SV2C: variants seen among roughly 807,000 people sequenced by gnomAD.
The protein encoded by SV2C is synaptic vesicle glycoprotein 2C, also known as solute carrier family 22 member B3.
A neutral mutation model predicts 79.7 loss-of-function variants in SV2C; 49 were observed. That is an observed-to-expected ratio of 0.61 (90% CI 0.49 to 0.78). The LOEUF is 0.78. SV2C is among the 30% of genes least tolerant of loss of function. The probability of loss-of-function intolerance (pLI) is 0.00; values close to 1 mark genes in which losing one functional copy is unlikely to be tolerated. For synonymous variants in SV2C, 334 were observed against 333.2 expected (o/e 1.00, Z -0.03); for missense variants, 833 against 912.9 (o/e 0.91, Z 1.13).
At chr5:76,120,374 A>G (rs944423735) in intron 1 of SV2C, among the ~76,000 whole-genome samples, 2 of 134,894 alleles carry the variant, frequency 1.5e-5, no homozygotes, top group Non-Finnish European at 3.2e-5. Context: ...TTTTTTTATT[A>G]TTATTATTAT....
chr5:75,967,952 A>G, the SV2C span, among the ~76,000 whole-genome samples: 13 of 152,126 alleles, frequency 8.5e-5, no homozygotes, highest in African/African-American at 1.2e-4. Context: ...TCACACGGCC[A>G]GGTACTCCTC....
Position 76,194,982 on chromosome 5 carries a change from TG to T in SV2C, c.647del (p.Gly216GlufsTer7). On this transcript the variant is annotated frameshift_variant, in exon 3 of 13. Transcript: ENST00000502798. LOFTEE classifies it high-confidence loss of function. The stretch of plus-strand genomic sequence containing the variant: ...TTCTGGGGAGGACTGGCAGACAAAG[TG>T]GGAAGGAAACAGTCTCTTCTGATTT... ...AFFWGGLADK[V>X]GRKQSLLICM... The T allele has an allele frequency of 5.0e-6, 8 of 1,614,060 alleles. No homozygotes were observed. Among genetic ancestry groups the T allele is most frequent in the Non-Finnish European group, 5.9e-6 (7 of 1,179,958 alleles).
rs1052629747 is a variant in SV2C at position 76,123,180 on chromosome 5, G to A, written c.-101-8470G>A. On this transcript the variant is annotated intron_variant, in intron 1 of 12. Transcript: ENST00000502798. ...CACTCTCCCAAGACTAAACCAGGAA[G>A]AAGTTGAATCTCTGAATAGACCAAT... is the stretch of plus-strand genomic sequence containing the variant. Among the ~76,000 whole-genome samples, 9 of 152,292 alleles carry A rather than the reference G, an allele frequency of 5.9e-5. No individual in the cohort carries two copies. The Middle Eastern group carries it at 0.01, about 173-fold the overall frequency.
At chr5:75,911,005 A>C in the SV2C span, 3 of 1,018,106 alleles carry the variant, frequency 2.9e-6, no homozygotes, top group Non-Finnish European at 4.6e-6. Context: ...CTCTTACCTC[A>C]CCTACTAGTC....
chr5:76,005,041 G>C, the SV2C span, among the ~76,000 whole-genome samples: 1 of 152,120 alleles, frequency 6.6e-6, no homozygotes, highest in African/African-American at 2.4e-5. Flanking sequence ...TAGATTTATA[G>C]GTTTGTCCAG....
chr5:76,050,052 T>C, the SV2C span, among the ~76,000 whole-genome samples: 1 of 152,170 alleles, frequency 6.6e-6, no homozygotes, highest in East Asian at 1.9e-4. Flanking sequence ...ATTTGCAAAA[T>C]GTGGCCAATA....
intron 12 of SV2C, chr5:76,353,065 C>G: frequency 2.2e-6 from 1 of 451,962 alleles, no homozygotes; most frequent in South Asian, 1.6e-5. Flanking sequence ...CTCTGCCACC[C>G]CAGAAGCTAG....
the SV2C span, among the ~76,000 whole-genome samples, chr5:76,018,770 G>A: frequency 2.6e-5 from 4 of 152,248 alleles, no homozygotes; most frequent in Non-Finnish European, 4.4e-5. Flanking sequence ...AGAACTCCAC[G>A]TATTTGTTCA....
the SV2C span, among the ~76,000 whole-genome samples, chr5:75,991,307 A>T: frequency 6.6e-6 from 1 of 151,574 alleles, no homozygotes; most frequent in Non-Finnish European, 1.5e-5. Flanking sequence ...TTGAGTTATT[A>T]TCCCTTTTTA....
the SV2C span, among the ~76,000 whole-genome samples, chr5:76,023,085 G>C: frequency 6.6e-6 from 1 of 152,302 alleles, no homozygotes; most frequent in African/African-American, 2.4e-5. Flanking sequence ...TTTAAAGGCT[G>C]ATTCACAGTG....
At chr5:76,009,258 A>C in the SV2C span, among the ~76,000 whole-genome samples, 1 of 152,246 alleles carries the variant, frequency 6.6e-6, no homozygotes, top group African/African-American at 2.4e-5. Flanking sequence ...AAGTCTAAAA[A>C]CAACAGATGT....
chr5:75,877,481 C>T, the SV2C span, among the ~76,000 whole-genome samples: 5 of 151,994 alleles, frequency 3.3e-5, no homozygotes, highest in East Asian at 9.7e-4. Context: ...AATGCACACA[C>T]ATCATTCTCC....
chr5:75,879,187 A>G, the SV2C span, among the ~76,000 whole-genome samples: 1 of 152,174 alleles, frequency 6.6e-6, no homozygotes, highest in Non-Finnish European at 1.5e-5. Flanking sequence ...TGGAGTGGAC[A>G]AATATTCAAA....
chr5:76,352,754 T>C (rs1266980120), intron 12 of SV2C, among the ~76,000 whole-genome samples: 1 of 152,206 alleles, frequency 6.6e-6, no homozygotes, highest in African/African-American at 2.4e-5. Context: ...TTTTGGTCTT[T>C]TTAATATGCA....
chr5:76,205,297 C>G (rs762848315), intron 3 of SV2C, among the ~76,000 whole-genome samples: 5 of 152,068 alleles, frequency 3.3e-5, no homozygotes, highest in Non-Finnish European at 5.9e-5. Context: ...AAACCTAGCA[C>G]TAATATTTCT....
Position 76,209,788 on chromosome 5 carries a change from C to G in SV2C, c.814C>G (p.Arg272Gly), listed in dbSNP as rs751358005. Residue 272 changes from arginine to glycine, a missense_variant, in exon 4 of 13, where the codon CGG becomes GGG. Physicochemically the swap from Arg to Gly is moderately radical, Grantham distance 125 (BLOSUM62 -2). Coordinates refer to ENST00000502798, the MANE Select transcript of SV2C (RefSeq NM_014979.4). ...CTCGTACTTTGCTGAAGTCCTGGCC[C>G]GGGAAAAGCGGGGCGAACACTTGAG... ...VFSYFAEVLAREKRGEHLSWL... is the reference protein window; with the variant it reads ...VFSYFAEVLAGEKRGEHLSWL... 6.2e-7 allele frequency: 1 copy of G among 1,614,188 alleles called. No homozygotes were observed. Among genetic ancestry groups the G allele is most frequent in the Admixed American group, 1.7e-5 (1 of 60,030 alleles).
At chr5:75,990,880 A>G in the SV2C span, among the ~76,000 whole-genome samples, 1 of 152,006 alleles carries the variant, frequency 6.6e-6, no homozygotes, top group Non-Finnish European at 1.5e-5. Flanking sequence ...AGAGACTACA[A>G]TGCATTGGCT....
At chr5:76,097,576 A>T (rs924872107) in intron 1 of SV2C, among the ~76,000 whole-genome samples, 2 of 152,150 alleles carry the variant, frequency 1.3e-5, no homozygotes, top group African/African-American at 4.8e-5. Flanking sequence ...ATTTGTTATT[A>T]TTTCTTCTAT....
At chr5:75,876,386 A>G in the SV2C span, among the ~76,000 whole-genome samples, 1 of 152,030 alleles carries the variant, frequency 6.6e-6, no homozygotes, top group Non-Finnish European at 1.5e-5. Flanking sequence ...TATGAACACA[A>G]AGAAGGAAAC....
Sources: gnomAD v4.1 joint callset for allele counts (sites outside exome capture counted in the v4.1 genomes callset) on GRCh38, gnomAD v4.1.1 for gene constraint, MANE v1.5 for transcripts, NCBI Gene and HGNC (gene_info 2026-07-23, HGNC 2026-07-21) for gene names.